The following DMD variants were observed in gnomAD, a reference collection of about 807,000 sequenced individuals.
DMD encodes dystrophin.
A neutral mutation model predicts 330.1 loss-of-function variants in DMD; 63 were observed. The observed-to-expected ratio is 0.19, with a 90% CI of 0.16 to 0.24. The LOEUF (loss-of-function observed/expected upper bound fraction) is 0.24, where lower values mean the gene tolerates loss of function less well. DMD is among the 10% of genes least tolerant of loss of function. The pLI is 1.00. For synonymous variants in DMD, 1,223 were observed against 959.8 expected (o/e 1.27, Z -5.07); for missense variants, 3,344 against 2,684.1 (o/e 1.25, Z -5.43).
chrX:31,355,319 T>C (rs2058616753), intron 60 of DMD, among the ~76,000 whole-genome samples: 1 of 111,977 alleles, frequency 8.9e-6, no homozygotes, highest in Non-Finnish European at 1.9e-5. Context: ...TGCTAGGCAA[T>C]GTGGTTTCTT....
chrX:31,415,361 A>T (rs2061821326), intron 60 of DMD, among the ~76,000 whole-genome samples: 1 of 112,349 alleles, frequency 8.9e-6, no homozygotes, highest in Admixed American at 9.5e-5. Context: ...TAAAATCAAC[A>T]AATTCTCTAT....
chrX:32,983,785 G>T (rs1207242487), intron 2 of DMD, among the ~76,000 whole-genome samples: 1 of 110,600 alleles, frequency 9.0e-6, no homozygotes, highest in Non-Finnish European at 1.9e-5. Flanking sequence ...AGTCAATTTT[G>T]ATTTTTTTAT....
chrX:32,973,364 T>TG (rs1290983481), intron 2 of DMD, among the ~76,000 whole-genome samples: 1 of 112,427 alleles, frequency 8.9e-6, no homozygotes, highest in African/African-American at 3.2e-5. Flanking sequence ...GTAGGGTCTA[T>TG]GTCCTTTCCT....
At chrX:32,995,506 A>G (rs775516322) in intron 2 of DMD, among the ~76,000 whole-genome samples, 1 of 112,022 alleles carries the variant, frequency 8.9e-6, no homozygotes, top group Admixed American at 9.5e-5. Flanking sequence ...TAGAAACAAG[A>G]TGAGTGTTCT....
At chrX:33,140,405 G>A (rs890922323) in intron 1 of DMD, among the ~76,000 whole-genome samples, 5 of 111,930 alleles carry the variant, frequency 4.5e-5, no homozygotes, top group African/African-American at 1.3e-4. Flanking sequence ...AGATGTTCAG[G>A]AGGAAGAAAA....
chrX:31,697,053 C>T (rs1345500525), intron 52 of DMD, among the ~76,000 whole-genome samples: 3 of 112,107 alleles, frequency 2.7e-5, no homozygotes, highest in Non-Finnish European at 5.6e-5. Context: ...ATCTGAAGAT[C>T]ATCAGAGCGA....
chrX:31,355,718 C>T (rs2058637897), intron 60 of DMD, among the ~76,000 whole-genome samples: 1 of 111,298 alleles, frequency 9.0e-6, no homozygotes, highest in Admixed American at 9.6e-5. Flanking sequence ...ACAAGTAACA[C>T]TCATAAATAC....
rs184405341 is a variant in DMD, at chrX:32,200,236, A to G, written c.6438+16680T>C. Among the ~76,000 whole-genome samples the G allele has an allele frequency of 3.0e-3, 329 of 111,208 alleles. 2 individuals are homozygous for G. The highest frequency in any genetic ancestry group is 0.01 in the African/African-American group (311 of 30,602). The stretch of plus-strand genomic sequence containing the variant: ...GCTCCCTGCTCCAGCTCACTTTTCC[A>G]ATCAGTTTTTATAATAAGCATTATT... On this transcript the variant is annotated intron_variant, in intron 44 of 78. Coordinates refer to ENST00000357033, the MANE Select transcript of DMD (RefSeq NM_004006.3).
chrX:32,938,810 G>T (rs2090193565), intron 2 of DMD, among the ~76,000 whole-genome samples: 1 of 111,004 alleles, frequency 9.0e-6, no homozygotes, highest in Non-Finnish European at 1.9e-5. Flanking sequence ...ACATTTCCTA[G>T]GGTGTTTAAT....
intron 67 of DMD, 133 bp from the exon 68 acceptor site, chrX:31,183,037 T>C: frequency 1.7e-6 from 1 of 577,463 alleles, no homozygotes; most frequent in East Asian, 3.6e-5. Flanking sequence ...GTTGCAAAGC[T>C]AGGCTGGCTT....
chrX:32,733,338 A>G (rs1261749619), intron 7 of DMD, among the ~76,000 whole-genome samples: 4 of 109,916 alleles, frequency 3.6e-5, no homozygotes, highest in African/African-American at 1.0e-4. Context: ...CCCACTGTCA[A>G]CATTAGACAG....
Position 32,058,195 on chromosome X carries a change from C to T in DMD, c.6439-89681G>A, listed in dbSNP as rs777558075. Among the ~76,000 whole-genome samples, 14 of 110,333 alleles carry T rather than the reference C, an allele frequency of 1.3e-4. No individual in the cohort carries two copies. The South Asian group carries it at 2.2e-3, about 18-fold the overall frequency. On this transcript the variant is annotated intron_variant, in intron 44 of 78. Coordinates refer to ENST00000357033, the MANE Select transcript of DMD (RefSeq NM_004006.3). ...TCACAATAATTTTTTTTGGATATGA[C>T]GCTAAAAGGACAGCCAACAAAAACA...
intron 1 of DMD, among the ~76,000 whole-genome samples, chrX:33,070,725 C>A (rs1354779929): frequency 8.1e-5 from 6 of 74,251 alleles, no homozygotes; most frequent in Non-Finnish European, 1.5e-4. Context: ...ATATCTATAT[C>A]AATATTGATA....
At chrX:31,156,689 CTATTAT>C (rs952144374) in intron 74 of DMD, among the ~76,000 whole-genome samples, 3 of 112,061 alleles carry the variant, frequency 2.7e-5, no homozygotes, top group Admixed American at 9.5e-5. Context: ...ATGTTGGTTA[CTATTAT>C]TATTGTTATT....
intron 36 of DMD, among the ~76,000 whole-genome samples, chrX:32,364,253 G>C (rs1051706408): frequency 1.8e-5 from 2 of 112,292 alleles, no homozygotes; most frequent in African/African-American, 6.5e-5. Flanking sequence ...ATTGTTCTTT[G>C]TGTTAGACAC....
intron 44 of DMD, among the ~76,000 whole-genome samples, chrX:32,043,935 T>C (rs1007144127): frequency 8.9e-6 from 1 of 111,833 alleles, no homozygotes; most frequent in African/African-American, 3.3e-5. Context: ...TTAAACAAGT[T>C]GGGGGGTAAT....
At position 31,794,856 on chromosome X, in the gene DMD, C is replaced by A. The variant is rs185160323; in HGVS notation, c.7310-20664G>T. Reference sequence around the variant, plus strand: ...TTGCGTCAAAGATCAAGATAAGGATCAGAAACGAAATTTAGGAAGAGCCTC... The same window carrying A: ...TTGCGTCAAAGATCAAGATAAGGATAAGAAACGAAATTTAGGAAGAGCCTC... On this transcript the variant is annotated intron_variant, in intron 50 of 78. Transcript: ENST00000357033. Among the ~76,000 whole-genome samples the A allele has an allele frequency of 1.1e-3, 120 of 111,152 alleles. 1 individual carries two copies. The highest frequency in any genetic ancestry group is 8.4e-3 in the East Asian group (30 of 3,552).
chrX:31,470,663 A>G (rs1051555681), intron 59 of DMD, among the ~76,000 whole-genome samples: 4 of 112,197 alleles, frequency 3.6e-5, no homozygotes, highest in African/African-American at 1.3e-4. Context: ...GTCCCTTAGC[A>G]GAGCTCGAGT....
In DMD at chrX:32,483,164, T is replaced by TATATATATATATAC. The variant is rs1481445275; in HGVS notation, c.2803+1754_2803+1755insGTATATATATATAT. Among the ~76,000 whole-genome samples, 221 of 61,620 alleles carry TATATATATATATAC rather than the reference T, an allele frequency of 3.6e-3. 22 individuals are homozygous for TATATATATATATAC. Among genetic ancestry groups the TATATATATATATAC allele is most frequent in the South Asian group, 0.016 (18 of 1,157 alleles). 53.5% of individuals were successfully genotyped at this position (61,620 alleles called of 115,157 possible). A position where few individuals can be genotyped will look rare whatever the true frequency, so the allele number is the denominator to read the frequency against. Reference sequence around the variant, plus strand: ...TTCATTCCATATATATATATATATATACACCATATTTAATTAAAGGGTTAT... The same window carrying TATATATATATATAC: ...TTCATTCCATATATATATATATATATATATATATATATACACACCATATTTAATTAAAGGGTTAT... On this transcript the variant is annotated intron_variant, in intron 21 of 78. Coordinates refer to ENST00000357033, the MANE Select transcript of DMD (RefSeq NM_004006.3).
Sources: gnomAD v4.1 joint callset for allele counts (sites outside exome capture counted in the v4.1 genomes callset) on GRCh38, gnomAD v4.1.1 for gene constraint, MANE v1.5 for transcripts, NCBI Gene and HGNC (gene_info 2026-07-23, HGNC 2026-07-21) for gene names.